The following RPTOR variants were observed in gnomAD, a reference collection of about 807,000 sequenced individuals.
RPTOR encodes regulatory associated protein of MTOR complex 1.
In RPTOR, 21 loss-of-function variants were observed where a neutral mutation model predicts 169.9. The observed-to-expected ratio is 0.12, with a 90% CI of 0.09 to 0.18. The LOEUF (loss-of-function observed/expected upper bound fraction) is 0.18, where lower values mean the gene tolerates loss of function less well. Ranked by LOEUF, RPTOR falls within the 10% of genes least tolerant of loss-of-function variation. The pLI, the probability that RPTOR is intolerant of heterozygous loss-of-function variation, is 1.00. For missense variants in RPTOR, 1,133 were observed against 1,855.9 expected (o/e 0.61, Z 7.16); for synonymous variants, 732 against 753.2 (o/e 0.97, Z 0.46).
At chr17:80,568,917 G>C (rs779962762) in intron 1 of RPTOR, among the ~76,000 whole-genome samples, 10 of 151,950 alleles carry the variant, frequency 6.6e-5, no homozygotes, top group Non-Finnish European at 1.2e-4. Flanking sequence ...GGGCTGAAGT[G>C]ACCTCCCATG....
chr17:80,922,942 G>A (rs549713045), intron 22 of RPTOR, 115 bp downstream of exon 22: 34 of 844,998 alleles, frequency 4.0e-5, no homozygotes, highest in Middle Eastern at 3.2e-4. Context: ...TCTTGGCTTC[G>A]TCTCCTCCCC....
chr17:80,637,163 A>T (rs2065514232), intron 2 of RPTOR, among the ~76,000 whole-genome samples: 1 of 152,022 alleles, frequency 6.6e-6, no homozygotes, highest in African/African-American at 2.4e-5. Context: ...AATAAGGGTA[A>T]CTGTGTGTGC....
chr17:80,674,796 A>C (rs953349243), intron 3 of RPTOR, among the ~76,000 whole-genome samples: 2 of 39,334 alleles, frequency 5.1e-5, no homozygotes, highest in South Asian at 7.6e-4. Flanking sequence ...TCAAAAAAAA[A>C]AAAAAAAAAA....
At chr17:80,691,445 T>C (rs1246308858) in intron 3 of RPTOR, among the ~76,000 whole-genome samples, 1 of 151,330 alleles carries the variant, frequency 6.6e-6, no homozygotes, top group Non-Finnish European at 1.5e-5. Flanking sequence ...ATGTGAGTGA[T>C]GTGTGTGTGT....
At chr17:80,887,900 T>G (rs1228064947) in intron 17 of RPTOR, among the ~76,000 whole-genome samples, 2 of 152,060 alleles carry the variant, frequency 1.3e-5, no homozygotes, top group Non-Finnish European at 2.9e-5. Flanking sequence ...GTCTTTGAAG[T>G]ACAAAACCTG....
At chr17:80,696,396 G>A (rs2066036575) in intron 3 of RPTOR, among the ~76,000 whole-genome samples, 1 of 152,192 alleles carries the variant, frequency 6.6e-6, no homozygotes, top group Admixed American at 6.5e-5. Flanking sequence ...TAACTCTGAG[G>A]TCCATGTTGG....
intron 1 of RPTOR, among the ~76,000 whole-genome samples, chr17:80,603,418 C>G (rs534096805): frequency 1.3e-5 from 2 of 152,152 alleles, no homozygotes; most frequent in East Asian, 3.9e-4. Context: ...TTTGACCCTG[C>G]GCGCTTTGCA....
chr17:80,774,296 A>G (rs1464019507), intron 6 of RPTOR: 15 of 985,190 alleles, frequency 1.5e-5, no homozygotes, highest in Non-Finnish European at 1.8e-5. Context: ...TGCACGGGAG[A>G]GTGCTTTGGA....
intron 3 of RPTOR, among the ~76,000 whole-genome samples, chr17:80,681,626 C>G (rs371388019): frequency 7.0e-6 from 1 of 142,014 alleles, no homozygotes; most frequent in African/African-American, 2.7e-5. Flanking sequence ...GTCTCTTACA[C>G]CTTCATGAGG....
intron 2 of RPTOR, among the ~76,000 whole-genome samples, chr17:80,628,974 G>A (rs1450253982): frequency 6.6e-6 from 1 of 151,834 alleles, no homozygotes; most frequent in Admixed American, 6.6e-5. Context: ...CTGGGACTCA[G>A]CTGTCTATGT....
At chr17:80,950,522 C>T (rs373865637) in intron 28 of RPTOR, among the ~76,000 whole-genome samples, 15 of 152,072 alleles carry the variant, frequency 9.9e-5, no homozygotes, top group African/African-American at 3.4e-4. Flanking sequence ...TTAATGTAGC[C>T]ATGTTCTTAA....
intron 3 of RPTOR, among the ~76,000 whole-genome samples, chr17:80,696,114 G>A (rs1443792265): frequency 6.6e-6 from 1 of 152,134 alleles, no homozygotes; most frequent in South Asian, 2.1e-4. Flanking sequence ...CTGGAGTTCA[G>A]GCTTCCTCTC....
intron 25 of RPTOR, among the ~76,000 whole-genome samples, chr17:80,942,448 C>T (rs1261870834): frequency 6.6e-6 from 1 of 151,346 alleles, no homozygotes; most frequent in Non-Finnish European, 1.5e-5. Context: ...AGAGTTTGTC[C>T]AGACACACAA....
intron 2 of RPTOR, among the ~76,000 whole-genome samples, chr17:80,637,009 T>C (rs2143577626): frequency 6.6e-6 from 1 of 152,334 alleles, no homozygotes; most frequent in East Asian, 1.9e-4. Flanking sequence ...TTTTACAAAT[T>C]AAACATCCAA....
rs556210362 is a variant in RPTOR at position 80,893,555 on chromosome 17, C to T, written c.2243-152C>T. The T allele has an allele frequency of 9.4e-5, 86 of 911,994 alleles. No homozygotes were observed. The East Asian group carries it at 1.8e-3, about 19-fold the overall frequency. The allele number at this position is 911,994 out of a possible 1,614,324, so 56.5% of individuals were successfully genotyped here. ...GTGTGTGTACATGCCAGGGTGTGTG[C>T]GCACCAGGGTGTGTGTGTACCAGGG... On this transcript the variant is annotated intron_variant, in intron 19 of 33. Transcript: ENST00000306801.
intron 20 of RPTOR, among the ~76,000 whole-genome samples, chr17:80,908,008 A>G (rs1190495300): frequency 2.6e-5 from 4 of 152,152 alleles, no homozygotes; most frequent in Admixed American, 6.5e-5. Context: ...CACATCCTTC[A>G]TCCTCTGGGC....
At chr17:80,838,959 A>C (rs1040402001) in intron 10 of RPTOR, among the ~76,000 whole-genome samples, 1 of 152,226 alleles carries the variant, frequency 6.6e-6, no homozygotes, top group African/African-American at 2.4e-5. Flanking sequence ...TTGGGAATTC[A>C]TGTGCAGGCA....
chr17:80,603,761 A>T (rs1348471998), intron 1 of RPTOR, among the ~76,000 whole-genome samples: 1 of 152,236 alleles, frequency 6.6e-6, no homozygotes, highest in East Asian at 1.9e-4. Context: ...AGACCAATAC[A>T]AGGTAGTGAA....
intron 26 of RPTOR, among the ~76,000 whole-genome samples, chr17:80,946,754 C>G (rs117411664): frequency 6.6e-6 from 1 of 152,238 alleles, no homozygotes. Context: ...CACCTTTTGT[C>G]TATTGTGAAT....
Sources: allele counts gnomAD v4.1 joint callset (sites outside exome capture counted in the v4.1 genomes callset), GRCh38; gene constraint gnomAD v4.1.1; transcripts MANE v1.5; gene names NCBI Gene and HGNC (gene_info 2026-07-23, HGNC 2026-07-21).